Variants in FYB2 observed in about 807,000 individuals in gnomAD.
FYB2 encodes FYN-binding protein 2.
In FYB2, 103 loss-of-function variants were observed where a neutral mutation model predicts 94.1. The observed-to-expected ratio is 1.09, with a 90% CI of 0.93 to 1.29. The LOEUF (loss-of-function observed/expected upper bound fraction) is 1.29, where lower values mean the gene tolerates loss of function less well. Ranked by LOEUF, FYB2 falls within the 50% of genes most tolerant of loss-of-function variation. FYB2 has a pLI of 0.00. For missense variants in FYB2, 896 were observed against 841.5 expected, an observed-to-expected ratio of 1.06 and a Z score of -0.80; for synonymous variants, 293 against 287.9, an observed-to-expected ratio of 1.02 and a Z score of -0.18.
At chr1:56,739,445 G>T (rs976281039) in intron 13 of FYB2, among the ~76,000 whole-genome samples, 1 of 151,914 alleles carries the variant, frequency 6.6e-6, no homozygotes, top group East Asian at 1.9e-4. Context: ...ATTGACAGTT[G>T]AACTTAAAGC....
intron 1 of FYB2, among the ~76,000 whole-genome samples, chr1:56,797,066 A>C (rs1201736485): frequency 6.6e-6 from 1 of 152,134 alleles, no homozygotes; most frequent in East Asian, 1.9e-4. Flanking sequence ...AAAGGGGCTT[A>C]TGATGCAAAC....
At chr1:56,726,691 C>A in intron 15 of FYB2, 108 bp from the exon 16 acceptor site, 1 of 867,012 alleles carries the variant, frequency 1.2e-6, no homozygotes, top group East Asian at 2.7e-5. Flanking sequence ...AAAAAGTCAT[C>A]TAGAAATATA....
chr1:56,729,092 G>A (rs1420371028), intron 15 of FYB2, among the ~76,000 whole-genome samples: 1 of 152,114 alleles, frequency 6.6e-6, no homozygotes, highest in Non-Finnish European at 1.5e-5. Context: ...AGGTTGCCAG[G>A]GGCTGGATTA....
At chr1:56,772,860 T>C (rs1393406772) in intron 4 of FYB2, among the ~76,000 whole-genome samples, 1 of 152,218 alleles carries the variant, frequency 6.6e-6, no homozygotes, top group Non-Finnish European at 1.5e-5. Context: ...ATTAGTGTAT[T>C]AGAGGACAGA....
At position 56,758,804 on chromosome 1, in the gene FYB2, T is replaced by C. The variant is rs188270238; in HGVS notation, c.1064-54A>G. On this transcript the variant is annotated intron_variant, in intron 5 of 19. Coordinates refer to ENST00000343433, the MANE Select transcript of FYB2 (RefSeq NM_001004303.5). ...AGGCAGCTGATCCACCCATTTCTTA[T>C]AGCACCCAGGATTAAAGCAGTTATA... is the stretch of plus-strand genomic sequence containing the variant. The C allele has an allele frequency of 1.9e-4, 262 of 1,353,646 alleles. 4 individuals are homozygous for C. In the East Asian group the frequency reaches 4.8e-3, roughly 25 times the overall value. 83.9% of individuals were successfully genotyped at this position (1,353,646 alleles called of 1,614,324 possible). A position where few individuals can be genotyped will look rare whatever the true frequency, so the allele number is the denominator to read the frequency against.
chr1:56,811,266 T>C (rs1373395266), intron 1 of FYB2, among the ~76,000 whole-genome samples: 3 of 152,220 alleles, frequency 2.0e-5, no homozygotes, highest in Admixed American at 6.5e-5. Flanking sequence ...AACTCTAGAA[T>C]AGTGGTATTG....
chr1:56,804,750 C>T (rs72668379), intron 1 of FYB2, among the ~76,000 whole-genome samples: 1 of 100,460 alleles, frequency 1.0e-5, no homozygotes. Context: ...TAAATAAATA[C>T]ATAAATAAAT....
Position 56,788,815 on chromosome 1 carries a change from G to A in FYB2, c.919+158C>T, listed in dbSNP as rs546734651. 6.9e-5 allele frequency: 73 copies of A among 1,056,422 alleles called. No individual in the cohort carries two copies. The East Asian group carries it at 1.3e-3, about 19-fold the overall frequency. The allele number at this position is 1,056,422 out of a possible 1,614,324, so 65.4% of individuals were successfully genotyped here. On this transcript the variant is annotated intron_variant, in intron 3 of 19. Transcript: ENST00000343433. ...AAGGGCCAATTCCCACAGAGACATC[G>A]TTTCATGGGCAAGCTGCCACAGCCT... is the stretch of plus-strand genomic sequence containing the variant.
chr1:56,821,749 A>C (rs779167726), upstream of FYB2, among the ~76,000 whole-genome samples: 3 of 152,130 alleles, frequency 2.0e-5, no homozygotes, highest in Non-Finnish European at 4.4e-5. Context: ...ATTTCCCTGT[A>C]ATAATCCCAG....
chr1:56,811,844 C>A (rs1482565059), intron 1 of FYB2, among the ~76,000 whole-genome samples: 3 of 152,122 alleles, frequency 2.0e-5, no homozygotes, highest in Non-Finnish European at 4.4e-5. Flanking sequence ...GTGGTTCTTC[C>A]CTGTTAATCT....
At chr1:56,825,316 G>A in the FYB2 span, among the ~76,000 whole-genome samples, 1 of 152,136 alleles carries the variant, frequency 6.6e-6, no homozygotes, top group Non-Finnish European at 1.5e-5. Context: ...AAGAGGAGGA[G>A]GGAGTTGGGA....
In FYB2 at chr1:56,751,201, T is replaced by A; in HGVS notation, c.1230A>T (p.Val410=). Residue 410 remains valine (V), a splice_region_variant and synonymous_variant, in exon 9 of 20, where the codon GTA becomes GTT. Transcript: ENST00000343433. ...KEPYSNHVFK[V]DACEGTPEKI... ...TTTCAGGTGTCCCTTCACAGGCATCTACCTAAACATATGCAAAAGGGAGAA... is the reference window on the plus strand; with the variant it reads ...TTTCAGGTGTCCCTTCACAGGCATCAACCTAAACATATGCAAAAGGGAGAA... 2 of 1,612,178 alleles carry A rather than the reference T, an allele frequency of 1.2e-6. No individual in the cohort carries two copies.
intron 6 of FYB2, 73 bp from the exon 7 acceptor site, chr1:56,756,000 A>C: frequency 1.4e-6 from 2 of 1,424,314 alleles, no homozygotes; most frequent in Non-Finnish European, 2.0e-6. Context: ...GTTACAGATC[A>C]TTAGAGACTA....
rs1645559695 is a variant in FYB2 at position 56,763,871 on chromosome 1, A to G, written c.1063+3958T>C. Among the ~76,000 whole-genome samples, 3 of 151,270 alleles carry G rather than the reference A, an allele frequency of 2.0e-5. No individual in the cohort carries two copies. In the South Asian group the frequency reaches 6.3e-4, roughly 32 times the overall value. On this transcript the variant is annotated intron_variant, in intron 5 of 19. Transcript: ENST00000343433. ...TTTCAAGAATTTTTCTCTGTCTTTAAGAAGTTTGATTATGACTCTTCGCGA... is the reference window on the plus strand; with the variant it reads ...TTTCAAGAATTTTTCTCTGTCTTTAGGAAGTTTGATTATGACTCTTCGCGA...
At chr1:56,734,893 C>A (rs1376694888) in intron 15 of FYB2, among the ~76,000 whole-genome samples, 2 of 151,780 alleles carry the variant, frequency 1.3e-5, no homozygotes, top group Non-Finnish European at 2.9e-5. Context: ...AAATGCAAAT[C>A]AAAACCACAA....
rs768443157 is a variant in FYB2 at position 56,792,175 on chromosome 1, G to A, written c.638C>T (p.Pro213Leu). ...PKILHNVSED[P>L]SFVISQHIRK... ...GATATGTTGAGAAATTACAAAAGAGGGATCTTCAGAGACGTTATGTAATAT... is the reference window on the plus strand; with the variant it reads ...GATATGTTGAGAAATTACAAAAGAGAGATCTTCAGAGACGTTATGTAATAT... The change falls in exon 2 of 20, where the codon CCC becomes CTC. Residue 213 changes from proline (P) to leucine (L), a missense_variant. Physicochemically the swap from Pro to Leu is moderately conservative, Grantham distance 98. Transcript: ENST00000343433. 6.2e-6 allele frequency: 10 copies of A among 1,614,016 alleles called. No homozygotes were observed. Among genetic ancestry groups the A allele is most frequent in the Non-Finnish European group, 7.6e-6 (9 of 1,179,970 alleles).
chr1:56,785,353 C>A (rs1251039943), intron 4 of FYB2, among the ~76,000 whole-genome samples: 1 of 152,216 alleles, frequency 6.6e-6, no homozygotes, highest in African/African-American at 2.4e-5. Flanking sequence ...CACAGCAGAA[C>A]ACTGTCCCTT....
intron 15 of FYB2, among the ~76,000 whole-genome samples, chr1:56,735,373 C>T (rs1254785907): frequency 2.0e-5 from 3 of 151,998 alleles, no homozygotes; most frequent in Non-Finnish European, 2.9e-5. Context: ...AAGTTAAGCA[C>T]GACATGTTCT....
chr1:56,822,070 C>T (rs1055681583), upstream of FYB2, among the ~76,000 whole-genome samples: 3 of 152,200 alleles, frequency 2.0e-5, no homozygotes, highest in African/African-American at 7.2e-5. Context: ...GGAAGGTTCA[C>T]TTAATCATGT....
Sources: allele counts gnomAD v4.1 joint callset (sites outside exome capture counted in the v4.1 genomes callset), GRCh38; gene constraint gnomAD v4.1.1; transcripts MANE v1.5; gene names NCBI Gene and HGNC (gene_info 2026-07-23, HGNC 2026-07-21).